Variants in TMEM94 observed in about 807,000 individuals in gnomAD.
TMEM94 encodes the protein ER Mg2+ ATPase.
In TMEM94, 81 loss-of-function variants were observed where a neutral mutation model predicts 158.6. That is an observed-to-expected ratio of 0.51 (90% CI 0.43 to 0.61). The LOEUF (loss-of-function observed/expected upper bound fraction) is 0.61, where lower values mean the gene tolerates loss of function less well. TMEM94 is among the 20% of genes least tolerant of loss of function. TMEM94 has a pLI of 0.00. For synonymous variants in TMEM94, 751 were observed against 730.7 expected, an observed-to-expected ratio of 1.03 and a Z score of -0.45; for missense variants, 1,435 against 1,762.0, an observed-to-expected ratio of 0.81 and a Z score of 3.32.
chr17:75,492,209 C>T lies in TMEM94; in HGVS notation c.1597-265C>T. On this transcript the variant is annotated intron_variant, in intron 14 of 31. Coordinates refer to ENST00000314256, the MANE Select transcript of TMEM94 (RefSeq NM_014738.6). The surrounding 1 kb of genome is among the most constrained non-coding windows in gnomAD (Gnocchi z 4.4). ...GCCACAGAAGATCCCTCAACTGTGT[C>T]CTCTTTGGTCTGGCCACCCCTCTTT... The T allele has an allele frequency of 2.9e-6, 4 of 1,367,382 alleles. No homozygotes were observed. Among genetic ancestry groups the T allele is most frequent in the Non-Finnish European group, 3.8e-6 (4 of 1,043,748 alleles). 84.7% of individuals were successfully genotyped at this position (1,367,382 alleles called of 1,614,324 possible). A position where few individuals can be genotyped will look rare whatever the true frequency, so the allele number is the denominator to read the frequency against.
At chr17:75,484,839 C>T (rs1217825776) in intron 2 of TMEM94, among the ~76,000 whole-genome samples, 9 of 152,036 alleles carry the variant, frequency 5.9e-5, no homozygotes, top group Admixed American at 5.9e-4. Flanking sequence ...GAGTTCAAGA[C>T]CAGCCTGGCC....
In TMEM94 at chr17:75,494,810, T is replaced by C; in HGVS notation, c.2589+2T>C. On this transcript the variant is annotated splice_donor_variant, in intron 19 of 31. Coordinates refer to ENST00000314256, the MANE Select transcript of TMEM94 (RefSeq NM_014738.6). LOFTEE classifies it high-confidence loss of function. ...TTGGAGGATGAGCTCAAAAGCAAGG[T>C]GGGGAGAGCCATCCCTTCTGCCACC... is the stretch of plus-strand genomic sequence containing the variant. 1 of 1,613,314 alleles carries C rather than the reference T, an allele frequency of 6.2e-7. No individual in the cohort carries two copies. Among genetic ancestry groups the C allele is most frequent in the Non-Finnish European group, 8.5e-7 (1 of 1,179,832 alleles).
At chr17:75,461,786 CGCCT>C (rs2050077479) in intron 1 of TMEM94, among the ~76,000 whole-genome samples, 1 of 149,494 alleles carries the variant, frequency 6.7e-6, no homozygotes, top group South Asian at 2.2e-4. Flanking sequence ...TGGTGGCGGG[CGCCT>C]GCAGTCCCAG....
Position 75,486,393 on chromosome 17 carries a change from C to T in TMEM94, c.376C>T (p.Arg126Trp), listed in dbSNP as rs375873335. 4.0e-5 allele frequency: 64 copies of T among 1,614,020 alleles called. No homozygotes were observed. Among genetic ancestry groups the T allele is most frequent in the South Asian group, 6.6e-5 (6 of 91,086 alleles). ...CCGGCTGAAGCGTCGGGAGGTAGAG[C>T]GGAGGCTGCGAGGGATCATTGACCA... is the stretch of plus-strand genomic sequence containing the variant. ...QDRLKRREVE[R>W]RLRGIIDQIQ... is the part of the protein sequence containing the mutation. The change falls in exon 5 of 32, where the codon CGG becomes TGG. Residue 126 changes from arginine (R) to tryptophan (W), a missense_variant. Around this residue, in one of 3 missense-constraint regions of TMEM94, gnomAD observed 1,051 missense variants for 1,254.4 expected, o/e 0.84. Transcript: ENST00000314256.
chr17:75,491,564 G>A lies in TMEM94; in HGVS notation c.1386+109G>A. The A allele has an allele frequency of 3.8e-6, 6 of 1,575,058 alleles. No homozygotes were observed. The highest frequency in any genetic ancestry group is 5.2e-6 in the Non-Finnish European group (6 of 1,151,666). ...GGTTTCGGAGGGCGAAGGAGGGTTT[G>A]GGCACCATTAGGATCTGCTTCTGGG... On this transcript the variant is annotated intron_variant, in intron 13 of 31. Transcript: ENST00000314256. This position sits in a 1 kb window ranked among gnomAD's most constrained non-coding sequence, Gnocchi z 5.1.
Position 75,492,872 on chromosome 17 carries a change from G to A in TMEM94, c.1913-57G>A. ...GTACCAACTCCTCACGGGACTTAAT[G>A]GACCTGGCAGGGTATTGCCAGGGCA... On this transcript the variant is annotated intron_variant, in intron 15 of 31. Transcript: ENST00000314256. This position sits in a 1 kb window ranked among gnomAD's most constrained non-coding sequence, Gnocchi z 4.4. 6.3e-7 allele frequency: 1 copy of A among 1,586,160 alleles called. No homozygotes were observed. Among genetic ancestry groups the A allele is most frequent in the East Asian group, 2.2e-5 (1 of 44,518 alleles).
Position 75,497,811 on chromosome 17 carries a change from C to T in TMEM94, c.3438C>T (p.Ser1146=), listed in dbSNP as rs766395362. ...SISLLGKPPH[S]SIMSMATGKN... The stretch of plus-strand genomic sequence containing the variant: ...CTCTGCTGGGGAAGCCCCCCCATAG[C>T]TCCATCATGTCTATGGCAACGGGGA... Residue 1146 remains serine (S), a synonymous_variant, in exon 27 of 32, where the codon AGC becomes AGT. Coordinates refer to ENST00000314256, the MANE Select transcript of TMEM94 (RefSeq NM_014738.6). The T allele has an allele frequency of 2.5e-6, 4 of 1,613,988 alleles. No individual in the cohort carries two copies. The South Asian group carries it at 3.3e-5, about 13-fold the overall frequency.
intron 1 of TMEM94, among the ~76,000 whole-genome samples, chr17:75,463,083 C>CAT (rs1567904863): frequency 3.6e-5 from 1 of 27,936 alleles, no homozygotes; most frequent in Non-Finnish European, 5.2e-5. Flanking sequence ...TATATATACA[C>CAT]ACACACACAC....
At chr17:75,479,298 C>CA (rs1031478605) in intron 2 of TMEM94, among the ~76,000 whole-genome samples, 4 of 150,722 alleles carry the variant, frequency 2.7e-5, no homozygotes, top group East Asian at 2.0e-4. Flanking sequence ...CTCATGTCTA[C>CA]AAAAAAAAAT....
In TMEM94 at chr17:75,498,108, T is replaced by TG; in HGVS notation, c.3490-65dup. ...ATTTACTAAGAGCCCGTTGAATACGTGGAAGAGCTAGGAGCAGCCGGCAGA... is the reference window on the plus strand; with the variant it reads ...ATTTACTAAGAGCCCGTTGAATACGTGGGAAGAGCTAGGAGCAGCCGGCAGA... On this transcript the variant is annotated intron_variant, in intron 27 of 31. Transcript: ENST00000314256. The surrounding 1 kb of genome is among the most constrained non-coding windows in gnomAD (Gnocchi z 6.7). The TG allele has an allele frequency of 6.3e-7, 1 of 1,594,040 alleles. No individual in the cohort carries two copies.
At chr17:75,484,411 T>C (rs2051418841) in intron 2 of TMEM94, among the ~76,000 whole-genome samples, 1 of 151,742 alleles carries the variant, frequency 6.6e-6, no homozygotes, top group African/African-American at 2.4e-5. Context: ...TTGTTGTTGT[T>C]TTTTTGAGAC....
chr17:75,459,303 C>G (rs985147306), intron 1 of TMEM94, among the ~76,000 whole-genome samples: 2 of 152,136 alleles, frequency 1.3e-5, no homozygotes, highest in African/African-American at 4.8e-5. Flanking sequence ...ATCATCAGCC[C>G]CCAAATAATT....
intron 25 of TMEM94, 131 bp downstream of exon 25, chr17:75,496,938 C>A (rs2052754291): frequency 3.6e-6 from 4 of 1,101,060 alleles, no homozygotes; most frequent in South Asian, 1.3e-5. Flanking sequence ...CTCTGTGAAG[C>A]CCCTGGGCTT....
intron 1 of TMEM94, among the ~76,000 whole-genome samples, chr17:75,469,389 G>A (rs1483469422): frequency 4.8e-5 from 7 of 144,912 alleles, no homozygotes; most frequent in African/African-American, 1.6e-4. Flanking sequence ...TTTGTCGCCC[G>A]ACTGGAGTGC....
At chr17:75,482,304 C>T (rs1269659638) in intron 2 of TMEM94, among the ~76,000 whole-genome samples, 1 of 151,308 alleles carries the variant, frequency 6.6e-6, no homozygotes, top group Admixed American at 6.6e-5. Context: ...TGAGATTGCG[C>T]CACTGCACTC....
Position 75,491,952 on chromosome 17 carries a change from C to T in TMEM94, c.1596+52C>T. ...GCCACACCCTCGGCCACAGGCTGTC[C>T]TGGCCTCCCTGGCCAGCCTGGCCTC... On this transcript the variant is annotated intron_variant, in intron 14 of 31. Transcript: ENST00000314256. This position sits in a 1 kb window ranked among gnomAD's most constrained non-coding sequence, Gnocchi z 5.1. 6.6e-7 allele frequency: 1 copy of T among 1,518,446 alleles called. No homozygotes were observed. Among genetic ancestry groups the T allele is most frequent in the Non-Finnish European group, 9.0e-7 (1 of 1,114,318 alleles). 94.1% of individuals were successfully genotyped at this position (1,518,446 alleles called of 1,614,324 possible). A position where few individuals can be genotyped will look rare whatever the true frequency, so the allele number is the denominator to read the frequency against.
chr17:75,496,642 G>T lies in TMEM94; in HGVS notation c.3244-88G>T, dbSNP rs145972264. On this transcript the variant is annotated intron_variant, in intron 24 of 31. Coordinates refer to ENST00000314256, the MANE Select transcript of TMEM94 (RefSeq NM_014738.6). ...CTCCCCTCGTAGAAGCATCCTGGGC[G>T]TCTGGCTCTTGGCTAAAGTGTGTCA... 4.8e-6 allele frequency: 7 copies of T among 1,453,742 alleles called. No individual in the cohort carries two copies. The South Asian group carries it at 6.9e-5, about 14-fold the overall frequency. The allele number at this position is 1,453,742 out of a possible 1,614,324, so 90.1% of individuals were successfully genotyped here. A position where few individuals can be genotyped will look rare whatever the true frequency, so the allele number is the denominator to read the frequency against.
In TMEM94 at chr17:75,491,201, C is replaced by T; in HGVS notation, c.1233+48C>T. On this transcript the variant is annotated intron_variant, in intron 12 of 31. Transcript: ENST00000314256. This position sits in a 1 kb window ranked among gnomAD's most constrained non-coding sequence, Gnocchi z 5.1. ...GGAGGCAACTGTCATGCCCGCCCTG[C>T]TCTCTGGCTGGGCCTGGGCTGCCCA... 6.3e-7 allele frequency: 1 copy of T among 1,594,784 alleles called. No individual in the cohort carries two copies. Among genetic ancestry groups the T allele is most frequent in the Admixed American group, 1.7e-5 (1 of 59,254 alleles).
rs147963711 is a variant in TMEM94, at chr17:75,495,549, G to A, written c.2850G>A (p.Lys950=). The change falls in exon 22 of 32, where the codon AAG becomes AAA. Residue 950 remains lysine (K), a synonymous_variant. Coordinates refer to ENST00000314256, the MANE Select transcript of TMEM94 (RefSeq NM_014738.6). The surrounding 1 kb of genome is among the most constrained non-coding windows in gnomAD (Gnocchi z 5.6). ...GGCATCTCTGCTTTCTCCAGGCCAA[G>A]CTGCCCCGGGGTATCCACCAAGTGC... ...PSFLEDSNRA[K]LPRGIHQVRP... 81 of 1,613,364 alleles carry A rather than the reference G, an allele frequency of 5.0e-5. No homozygotes were observed. Among genetic ancestry groups the A allele is most frequent in the Non-Finnish European group, 6.4e-5 (76 of 1,179,984 alleles).
Sources: allele counts gnomAD v4.1 joint callset (sites outside exome capture counted in the v4.1 genomes callset), GRCh38; gene constraint gnomAD v4.1.1; regional missense constraint gnomAD v4.1.1; non-coding constraint Gnocchi (gnomAD v3.1); transcripts MANE v1.5; gene names NCBI Gene and HGNC (gene_info 2026-07-23, HGNC 2026-07-21).